PRKN: variants seen among roughly 807,000 people sequenced by gnomAD.
PRKN encodes the protein E3 ubiquitin-protein ligase parkin.
PRKN carries 56 observed loss-of-function variants against 59.5 expected under a neutral mutation model. That is an observed-to-expected ratio of 0.94 (90% CI 0.76 to 1.18). PRKN has a LOEUF of 1.18. Ranked by LOEUF, PRKN falls within the 50% of genes most tolerant of loss-of-function variation. The pLI is 0.00. For synonymous variants in PRKN, 250 were observed against 222.1 expected, an observed-to-expected ratio of 1.13 and a Z score of -1.12; for missense variants, 657 against 596.4, an observed-to-expected ratio of 1.10 and a Z score of -1.06.
intron 7 of PRKN, among the ~76,000 whole-genome samples, chr6:161,643,954 G>A (rs1412784848): frequency 7.6e-6 from 1 of 131,134 alleles, no homozygotes; most frequent in Non-Finnish European, 1.7e-5. Context: ...TTTTTAGCCT[G>A]TCTTAAGATA....
intron 6 of PRKN, among the ~76,000 whole-genome samples, chr6:161,933,798 A>G (rs962435391): frequency 3.3e-5 from 5 of 151,822 alleles, no homozygotes; most frequent in Non-Finnish European, 5.9e-5. Flanking sequence ...AGAAGTCTTC[A>G]GACCACACTT....
At chr6:161,381,939 C>T (rs571549950) in intron 10 of PRKN, among the ~76,000 whole-genome samples, 3 of 151,856 alleles carry the variant, frequency 2.0e-5, no homozygotes, top group South Asian at 2.1e-4. Context: ...AGTGAAACCC[C>T]GTCTCTACCA....
chr6:162,280,496 T>C (rs1780843527), intron 2 of PRKN, among the ~76,000 whole-genome samples: 1 of 151,562 alleles, frequency 6.6e-6, no homozygotes, highest in Admixed American at 6.6e-5. Context: ...GAAAAGAAAT[T>C]CAAAAGCTAA....
In PRKN at chr6:161,378,347, C is replaced by T. The variant is rs9458239; in HGVS notation, c.1167+8447G>A. 0.1 allele frequency among the ~76,000 whole-genome samples: 15,312 copies of T among 152,138 alleles called. 907 individuals are homozygous for T. Among genetic ancestry groups the T allele is most frequent in the Middle Eastern group, 0.16 (46 of 294 alleles). ...GGTGGTGAGGTGAAGCCCTGCCAGG[C>T]CCCCCAGCTCGGGCATCCCCCCATC... On this transcript the variant is annotated intron_variant, in intron 10 of 11. Coordinates refer to ENST00000366898, the MANE Select transcript of PRKN (RefSeq NM_004562.3). The surrounding 1 kb of genome is among the most constrained non-coding windows in gnomAD (Gnocchi z 7.3).
At chr6:162,508,932 G>T (rs949761212) in intron 1 of PRKN, among the ~76,000 whole-genome samples, 1 of 152,100 alleles carries the variant, frequency 6.6e-6, no homozygotes, top group African/African-American at 2.4e-5. Flanking sequence ...AGGCAGAGAA[G>T]ACTTCATAGA....
intron 6 of PRKN, among the ~76,000 whole-genome samples, chr6:161,897,946 G>C (rs936218002): frequency 2.0e-5 from 1 of 51,054 alleles, no homozygotes; most frequent in African/African-American, 7.6e-5. Context: ...CAGCCTGGGT[G>C]ACAGAGCGAG....
Position 162,498,393 on chromosome 6 carries a change from CTTTTTTTTTTT to C in PRKN, c.8-54931_8-54921del, listed in dbSNP as rs60024002. ...CAGAATCATTTTTTTTCTTTCTTTC[CTTTTTTTTTTT>C]TTTTTTTTTTTGAGATGGAGTTTCT... is the stretch of plus-strand genomic sequence containing the variant. On this transcript the variant is annotated intron_variant, in intron 1 of 11. Coordinates refer to ENST00000366898, the MANE Select transcript of PRKN (RefSeq NM_004562.3). Among the ~76,000 whole-genome samples the C allele has an allele frequency of 3.6e-3, 78 of 21,564 alleles. 2 individuals are homozygous for C. The highest frequency in any genetic ancestry group is 0.056 in the Middle Eastern group (1 of 18). The allele number at this position is 21,564 out of a possible 152,430, so 14.1% of individuals were successfully genotyped here.
At chr6:162,006,142 G>T (rs1238452821) in intron 5 of PRKN, among the ~76,000 whole-genome samples, 1 of 152,090 alleles carries the variant, frequency 6.6e-6, no homozygotes, top group Non-Finnish European at 1.5e-5. Flanking sequence ...TTTGTCTAAT[G>T]ACTTGTTTGT....
In PRKN at chr6:161,913,167, C is replaced by T. The variant is rs975085041; in HGVS notation, c.734+60135G>A. ...GGGCAACACGAGCAAAACTCCATCT[C>T]AGGAAAAAAAAAAAAAAAAAAAAGA... On this transcript the variant is annotated intron_variant, in intron 6 of 11. Transcript: ENST00000366898. Among the ~76,000 whole-genome samples the T allele has an allele frequency of 8.9e-4, 80 of 89,908 alleles. 2 individuals are homozygous for T. The highest frequency in any genetic ancestry group is 1.5e-4 in the Non-Finnish European group (7 of 46,060). 59.0% of individuals were successfully genotyped at this position (89,908 alleles called of 152,430 possible). A position where few individuals can be genotyped will look rare whatever the true frequency, so the allele number is the denominator to read the frequency against.
chr6:161,436,576 T>C (rs776846037), intron 9 of PRKN, among the ~76,000 whole-genome samples: 2 of 151,874 alleles, frequency 1.3e-5, no homozygotes, highest in Non-Finnish European at 2.9e-5. Context: ...ATTCATGAAC[T>C]GCTTGGGTGA....
intron 3 of PRKN, among the ~76,000 whole-genome samples, chr6:162,223,610 G>A (rs944473705): frequency 2.3e-5 from 3 of 132,392 alleles, no homozygotes; most frequent in African/African-American, 8.8e-5. Flanking sequence ...AAATAGACAC[G>A]TGACACACAC....
rs934296846 is a variant in PRKN, at chr6:161,593,887, C to A, written c.872-24471G>T. On this transcript the variant is annotated intron_variant, in intron 7 of 11. Transcript: ENST00000366898. This position sits in a 1 kb window ranked among gnomAD's most constrained non-coding sequence, Gnocchi z 4.8. ...CTGCTGGAGGCCGGGCGCAGTGGCT[C>A]ATGCCTGTAATCCCAGCACTTTGGG... 2.0e-5 allele frequency among the ~76,000 whole-genome samples: 3 copies of A among 151,922 alleles called. No individual in the cohort carries two copies. Among genetic ancestry groups the A allele is most frequent in the Non-Finnish European group, 4.4e-5 (3 of 67,984 alleles).
intron 6 of PRKN, among the ~76,000 whole-genome samples, chr6:161,841,325 C>G: frequency 6.6e-6 from 1 of 151,500 alleles, no homozygotes; most frequent in East Asian, 1.9e-4. Context: ...CTCTTCCTAT[C>G]TGCCATGACT....
intron 7 of PRKN, among the ~76,000 whole-genome samples, chr6:161,748,895 T>G (rs2128194021): frequency 6.6e-6 from 1 of 152,302 alleles, no homozygotes; most frequent in African/African-American, 2.4e-5. Flanking sequence ...AGTCAAAAGC[T>G]TAAAGGAGAA....
intron 7 of PRKN, among the ~76,000 whole-genome samples, chr6:161,653,643 T>C (rs1203011641): frequency 6.6e-6 from 1 of 152,198 alleles, no homozygotes; most frequent in African/African-American, 2.4e-5. Context: ...TACTTCCCAC[T>C]GTCTGTCCTC....
Position 161,560,635 on chromosome 6 carries a change from T to C in PRKN, c.933+8720A>G, listed in dbSNP as rs1780424859. On this transcript the variant is annotated intron_variant, in intron 8 of 11. Transcript: ENST00000366898. This position sits in a 1 kb window ranked among gnomAD's most constrained non-coding sequence, Gnocchi z 4.9. ...GCTGACCTTTTTCTCATCCTTCTAT[T>C]CGCACGGTCCATCCCCAGGCTCTGT... 6.6e-6 allele frequency among the ~76,000 whole-genome samples: 1 copy of C among 152,182 alleles called. No individual in the cohort carries two copies. Among genetic ancestry groups the C allele is most frequent in the Non-Finnish European group, 1.5e-5 (1 of 68,040 alleles).
intron 2 of PRKN, among the ~76,000 whole-genome samples, chr6:162,299,706 T>A (rs1781856034): frequency 6.6e-6 from 1 of 151,958 alleles, no homozygotes; most frequent in Non-Finnish European, 1.5e-5. Context: ...TGTGTGTCTA[T>A]AGGTCTGTGT....
At position 161,897,921 on chromosome 6, in the gene PRKN, C is replaced by G. The variant is rs375385653; in HGVS notation, c.734+75381G>C. Among the ~76,000 whole-genome samples the G allele has an allele frequency of 9.0e-3, 1,133 of 125,936 alleles. 7 individuals carry two copies. The highest frequency in any genetic ancestry group is 0.014 in the Non-Finnish European group (872 of 62,944). 82.6% of individuals were successfully genotyped at this position (125,936 alleles called of 152,430 possible). On this transcript the variant is annotated intron_variant, in intron 6 of 11. Transcript: ENST00000366898. ...GGCGGAGCTTGCAGTGAGCTGAGAT[C>G]GCGCCACTGCACTCCAGCCTGGGTG...
intron 6 of PRKN, among the ~76,000 whole-genome samples, chr6:161,815,315 C>T (rs965257736): frequency 1.3e-5 from 2 of 152,140 alleles, no homozygotes; most frequent in African/African-American, 4.8e-5. Flanking sequence ...AGAACTATAA[C>T]TTATCTAAAA....
Sources: allele counts gnomAD v4.1 joint callset (sites outside exome capture counted in the v4.1 genomes callset), GRCh38; gene constraint gnomAD v4.1.1; non-coding constraint Gnocchi (gnomAD v3.1); transcripts MANE v1.5; gene names NCBI Gene and HGNC (gene_info 2026-07-23, HGNC 2026-07-21).